MYOM1: variants seen among roughly 807,000 people sequenced by gnomAD.
The protein encoded by MYOM1 is myomesin 1, also known as myomesin-1.
In MYOM1, 164 loss-of-function variants were observed where a neutral mutation model predicts 205.3. The ratio of observed to expected loss-of-function variants is 0.80; its 90% CI spans 0.70 to 0.91. The LOEUF (loss-of-function observed/expected upper bound fraction) is 0.91. Among genes scored for constraint, MYOM1 ranks in the 40% least tolerant of loss-of-function variants. The pLI, the probability that MYOM1 is intolerant of heterozygous loss-of-function variation, is 0.00. For missense variants in MYOM1, 2,011 were observed against 2,127.3 expected (o/e 0.95, Z 1.08); for synonymous variants, 772 against 789.4 (o/e 0.98, Z 0.37).
At chr18:3,220,717 T>C (rs1007865998), upstream of MYOM1, among the ~76,000 whole-genome samples, 2 of 152,190 alleles carry the variant, frequency 1.3e-5, no homozygotes, top group Non-Finnish European at 2.9e-5. Context: ...TTAGTAGCCA[T>C]GTAATCTCCA....
At chr18:3,079,631 C>T (rs189705124) in intron 33 of MYOM1, among the ~76,000 whole-genome samples, 235 of 149,850 alleles carry the variant, frequency 1.6e-3, no homozygotes, top group Non-Finnish European at 2.5e-3. Flanking sequence ...CATTAATTAT[C>T]TTTGTTTTTG....
intron 2 of MYOM1, among the ~76,000 whole-genome samples, chr18:3,211,840 T>A (rs1156394946): frequency 1.3e-5 from 2 of 152,166 alleles, no homozygotes; most frequent in African/African-American, 4.8e-5. Flanking sequence ...ACTTTAACCC[T>A]GGACATCTAA....
chr18:3,089,242 C>A lies in MYOM1; in HGVS notation c.4070-1G>T. On this transcript the variant is annotated splice_acceptor_variant, in intron 28 of 37. Coordinates refer to ENST00000356443, the MANE Select transcript of MYOM1 (RefSeq NM_003803.4). LOFTEE classifies it high-confidence loss of function. The stretch of plus-strand genomic sequence containing the variant: ...CTCAAATACTCAACAAAGTGAGGAC[C>A]TATAAAATTTTAATGACATTAGCAA... The A allele has an allele frequency of 6.2e-7, 1 of 1,609,348 alleles. No homozygotes were observed. The highest frequency in any genetic ancestry group is 8.5e-7 in the Non-Finnish European group (1 of 1,176,784).
At chr18:3,234,180 AAAG>A in the MYOM1 span, among the ~76,000 whole-genome samples, 1,027 of 152,046 alleles carry the variant, frequency 6.8e-3, 10 homozygotes, top group African/African-American at 0.019. Context: ...CGTGCTCAAT[AAAG>A]AAGAAGAAGA....
the MYOM1 span, chr18:3,236,631 G>A: frequency 1.3e-5 from 2 of 152,374 alleles, no homozygotes; most frequent in Non-Finnish European, 2.9e-5. Flanking sequence ...CATTTGTGGA[G>A]TGTGAAGGTT....
At chr18:3,094,432 GC>G in intron 25 of MYOM1, 126 bp from the exon 26 acceptor site, 1 of 989,700 alleles carries the variant, frequency 1.0e-6, no homozygotes, top group East Asian at 2.6e-5. Context: ...CCTGCTTCTT[GC>G]AAAGCCCAGA....
intron 2 of MYOM1, among the ~76,000 whole-genome samples, chr18:3,203,608 A>G (rs191515458): frequency 6.6e-6 from 1 of 152,122 alleles, no homozygotes; most frequent in East Asian, 1.9e-4. Context: ...GAAGAGATCA[A>G]TAACAAGTAA....
intron 6 of MYOM1, 47 bp from the exon 7 acceptor site, chr18:3,174,255 G>A: frequency 6.6e-7 from 1 of 1,510,820 alleles, no homozygotes; most frequent in Non-Finnish European, 9.2e-7. Flanking sequence ...GACAATCCTT[G>A]TAATTACTAG....
intron 12 of MYOM1, among the ~76,000 whole-genome samples, chr18:3,149,799 C>G (rs2080190986): frequency 6.6e-6 from 1 of 152,052 alleles, no homozygotes; most frequent in Admixed American, 6.5e-5. Context: ...ATCAGAAAGA[C>G]AGAGTAGTTC....
intron 22 of MYOM1, among the ~76,000 whole-genome samples, chr18:3,108,826 A>G (rs924761944): frequency 6.6e-6 from 1 of 152,000 alleles, no homozygotes; most frequent in African/African-American, 2.4e-5. Context: ...GGCGTGAGGC[A>G]CCGTGTCCGG....
In MYOM1 at chr18:3,067,201, C is replaced by G; in HGVS notation, c.*61G>C. On this transcript the variant is annotated 3_prime_UTR_variant, in exon 38 of 38. Coordinates refer to ENST00000356443, the MANE Select transcript of MYOM1 (RefSeq NM_003803.4). Reference sequence around the variant, plus strand: ...GGAGAAAGCATGAAGACGTCTCATCCTTAACCCAAACCATTCACACCCAAG... The same window carrying G: ...GGAGAAAGCATGAAGACGTCTCATCGTTAACCCAAACCATTCACACCCAAG... The G allele has an allele frequency of 6.6e-7, 1 of 1,510,426 alleles. No homozygotes were observed. Among genetic ancestry groups the G allele is most frequent in the Non-Finnish European group, 8.9e-7 (1 of 1,120,380 alleles). The allele number at this position is 1,510,426 out of a possible 1,614,324, so 93.6% of individuals were successfully genotyped here.
chr18:3,090,860 T>C (rs2079217106), intron 26 of MYOM1, 58 bp from the exon 27 acceptor site: 2 of 1,601,722 alleles, frequency 1.2e-6, no homozygotes, highest in Non-Finnish European at 1.7e-6. Flanking sequence ...TTACTTGGAA[T>C]GACAACAAGC....
intron 10 of MYOM1, among the ~76,000 whole-genome samples, chr18:3,161,066 T>C (rs2080384069): frequency 6.6e-6 from 1 of 152,200 alleles, no homozygotes; most frequent in Non-Finnish European, 1.5e-5. Context: ...CTTAGCTTAG[T>C]TCATCCTCAT....
intron 25 of MYOM1, among the ~76,000 whole-genome samples, chr18:3,095,575 T>TAAAC (rs903200664): frequency 6.6e-6 from 1 of 152,078 alleles, no homozygotes; most frequent in Non-Finnish European, 1.5e-5. Context: ...CTCAAATAAA[T>TAAAC]AAACAAACAA....
In MYOM1 at chr18:3,070,568, C is replaced by CT. The variant is rs531174924; in HGVS notation, c.4764+1265dup. 1.4e-3 allele frequency among the ~76,000 whole-genome samples: 215 copies of CT among 152,262 alleles called. 2 individuals are homozygous for CT. Among genetic ancestry groups the CT allele is most frequent in the African/African-American group, 4.7e-3 (197 of 41,540 alleles). Reference sequence around the variant, plus strand: ...AAGTAAGGAAGGCCTTATTTGGCATCTTATCTTACAGGGGCTCTTCGGAAA... The same window carrying CT: ...AAGTAAGGAAGGCCTTATTTGGCATCTTTATCTTACAGGGGCTCTTCGGAAA... On this transcript the variant is annotated intron_variant, in intron 37 of 37. Coordinates refer to ENST00000356443, the MANE Select transcript of MYOM1 (RefSeq NM_003803.4).
Position 3,135,777 on chromosome 18 carries a change from C to G in MYOM1, c.2026-47G>C. On this transcript the variant is annotated intron_variant, in intron 14 of 37. Transcript: ENST00000356443. The surrounding 1 kb of genome is among the most constrained non-coding windows in gnomAD (Gnocchi z 4.1). ...CCATTGAAAGCACAGCAAACACAAG[C>G]GAGAATCCAGGCCAGGCAACTCCAA... The G allele has an allele frequency of 6.2e-7, 1 of 1,603,288 alleles. No homozygotes were observed. Among genetic ancestry groups the G allele is most frequent in the Non-Finnish European group, 8.5e-7 (1 of 1,173,066 alleles).
At chr18:3,136,183 C>T (rs1413418556) in intron 14 of MYOM1, among the ~76,000 whole-genome samples, 1 of 152,144 alleles carries the variant, frequency 6.6e-6, no homozygotes, top group Admixed American at 6.5e-5. Flanking sequence ...TGTGAGGCCT[C>T]CCCAGCCACA....
In MYOM1 at chr18:3,072,155, G is replaced by A. The variant is rs7242779; in HGVS notation, c.4709-266C>T. 0.58 allele frequency among the ~76,000 whole-genome samples: 87,698 copies of A among 150,274 alleles called. 28,141 individuals are homozygous for A. The highest frequency in any genetic ancestry group is 0.87 in the African/African-American group (35,760 of 40,878). ...AACCTCTGCCCACTAGGTTCAAGCG[G>A]TTCTCCTGCCTCAGCCTCCCGAGTA... On this transcript the variant is annotated intron_variant, in intron 36 of 37. Transcript: ENST00000356443.
rs919032937 is a variant in MYOM1, at chr18:3,182,868, C to T, written c.929+4612G>A. 8.0e-5 allele frequency among the ~76,000 whole-genome samples: 12 copies of T among 150,474 alleles called. 1 individual carries two copies. The highest frequency in any genetic ancestry group is 1.9e-4 in the East Asian group (1 of 5,152). The stretch of plus-strand genomic sequence containing the variant: ...TCCTCCTGCAGGATGGCCAGCTTCA[C>T]GGTAGGGGTGCAGCAGCATCCTCTG... On this transcript the variant is annotated intron_variant, in intron 5 of 37. Coordinates refer to ENST00000356443, the MANE Select transcript of MYOM1 (RefSeq NM_003803.4).
Sources: allele counts gnomAD v4.1 joint callset (sites outside exome capture counted in the v4.1 genomes callset), GRCh38; gene constraint gnomAD v4.1.1; non-coding constraint Gnocchi (gnomAD v3.1); transcripts MANE v1.5; gene names NCBI Gene and HGNC (gene_info 2026-07-23, HGNC 2026-07-21).